The following ZZEF1 variants were observed in gnomAD, a reference collection of about 807,000 sequenced individuals.
ZZEF1 encodes the protein zinc finger ZZ-type and EF-hand domain containing 1.
A neutral mutation model predicts 342.8 loss-of-function variants in ZZEF1; 157 were observed. The ratio of observed to expected loss-of-function variants is 0.46; its 90% CI spans 0.40 to 0.52. The LOEUF (loss-of-function observed/expected upper bound fraction) is 0.52. Ranked by LOEUF, ZZEF1 falls within the 20% of genes least tolerant of loss-of-function variation. ZZEF1 has a pLI of 0.00. For synonymous variants in ZZEF1, 1,505 were observed against 1,429.1 expected (o/e 1.05, Z -1.20); for missense variants, 3,480 against 3,725.6 (o/e 0.93, Z 1.72).
chr17:4,039,143 A>T (rs2056741928), intron 39 of ZZEF1, among the ~76,000 whole-genome samples: 1 of 152,102 alleles, frequency 6.6e-6, no homozygotes, highest in Non-Finnish European at 1.5e-5. Flanking sequence ...AAATACAACC[A>T]AACTGAAGAA....
chr17:4,092,842 A>G (rs2145394567), intron 11 of ZZEF1, among the ~76,000 whole-genome samples: 2 of 152,292 alleles, frequency 1.3e-5, no homozygotes, highest in African/African-American at 4.8e-5. Context: ...CCTACACTGC[A>G]CTACATAGTA....
Position 4,072,687 on chromosome 17 carries a change from G to C in ZZEF1, c.3755C>G (p.Pro1252Arg), listed in dbSNP as rs1191117950. Residue 1252 changes from proline (P) to arginine (R), a missense_variant, in exon 25 of 55, where the codon CCT becomes CGT. Pro to Arg is a moderately radical substitution (Grantham distance 103, BLOSUM62 -2). Coordinates refer to ENST00000381638, the MANE Select transcript of ZZEF1 (RefSeq NM_015113.4). ...TGGACAAACCTGATGCCTGAAGACA[G>C]GTTTCCACAGTGGGGAGCTTAGGAC... ...ALVLSSPLWK[P>R]VFRHQVCPEL... 6.2e-7 allele frequency: 1 copy of C among 1,613,938 alleles called. No homozygotes were observed. Among genetic ancestry groups the C allele is most frequent in the Non-Finnish European group, 8.5e-7 (1 of 1,179,968 alleles).
At chr17:4,038,850 CA>C (rs2056735028) in intron 39 of ZZEF1, among the ~76,000 whole-genome samples, 1 of 151,924 alleles carries the variant, frequency 6.6e-6, no homozygotes, top group Admixed American at 6.6e-5. Flanking sequence ...AAACCACCAC[CA>C]CCAGGCAAGA....
intron 9 of ZZEF1, among the ~76,000 whole-genome samples, chr17:4,098,214 C>A (rs1434398805): frequency 7.0e-6 from 1 of 143,170 alleles, no homozygotes; most frequent in Non-Finnish European, 1.5e-5. Flanking sequence ...CTCCAGCCGG[C>A]CTGGGTGACA....
chr17:4,019,519 T>G, intron 46 of ZZEF1, 150 bp downstream of exon 46: 2 of 646,370 alleles, frequency 3.1e-6, no homozygotes, highest in East Asian at 6.1e-5. Context: ...ACAGGCCACC[T>G]CCCACCTCGC....
In ZZEF1 at chr17:4,015,384, C is replaced by T. The variant is rs997197714; in HGVS notation, c.8146-869G>A. ...CCAGTTCTAAATCGGTTTTCATCATCCACCTTCGCTGCTGCAGGTGCCTTC... is the reference window on the plus strand; with the variant it reads ...CCAGTTCTAAATCGGTTTTCATCATTCACCTTCGCTGCTGCAGGTGCCTTC... On this transcript the variant is annotated intron_variant, in intron 49 of 54. Coordinates refer to ENST00000381638, the MANE Select transcript of ZZEF1 (RefSeq NM_015113.4). Among the ~76,000 whole-genome samples, 3 of 152,264 alleles carry T rather than the reference C, an allele frequency of 2.0e-5. No homozygotes were observed. The East Asian group carries it at 5.8e-4, about 29-fold the overall frequency.
At chr17:4,127,080 A>C (rs2058584574) in intron 1 of ZZEF1, among the ~76,000 whole-genome samples, 1 of 151,178 alleles carries the variant, frequency 6.6e-6, no homozygotes, top group Non-Finnish European at 1.5e-5. Context: ...CGATCAGCTC[A>C]CTGTAACCTC....
chr17:4,034,042 A>C lies in ZZEF1; in HGVS notation c.6557T>G (p.Phe2186Cys). ...PDGWKTTHLL[F>C]SLGAVCLDSR... ...GTCCAGACACACAGCTCCCAGGCTA[A>C]AGAGCAGGTGGGTGGTTTTCCAGCC... Residue 2186 changes from phenylalanine (F) to cysteine (C), a missense_variant, in exon 40 of 55, where the codon TTT becomes TGT. Coordinates refer to ENST00000381638, the MANE Select transcript of ZZEF1 (RefSeq NM_015113.4). 1 of 1,614,204 alleles carries C rather than the reference A, an allele frequency of 6.2e-7. No homozygotes were observed. The highest frequency in any genetic ancestry group is 2.2e-5 in the East Asian group (1 of 44,892).
chr17:4,068,567 G>A (rs1048546538), intron 26 of ZZEF1, among the ~76,000 whole-genome samples: 6 of 127,438 alleles, frequency 4.7e-5, no homozygotes, highest in African/African-American at 7.1e-5. Flanking sequence ...GATTACAGGC[G>A]TAAAGCCACT....
intron 3 of ZZEF1, among the ~76,000 whole-genome samples, chr17:4,115,821 T>C (rs1450164591): frequency 1.3e-5 from 2 of 151,246 alleles, no homozygotes; most frequent in African/African-American, 4.8e-5. Flanking sequence ...TCTGCTTATA[T>C]TTTTTTTTGC....
chr17:4,065,144 C>T (rs748201884), intron 28 of ZZEF1, among the ~76,000 whole-genome samples: 1 of 152,170 alleles, frequency 6.6e-6, no homozygotes, highest in Non-Finnish European at 1.5e-5. Flanking sequence ...TGGCTCACGC[C>T]TGTAATCCCA....
At chr17:4,086,440 C>T (rs1481253648) in intron 15 of ZZEF1, 46 bp downstream of exon 15, 4 of 1,599,544 alleles carry the variant, frequency 2.5e-6, no homozygotes, top group Non-Finnish European at 3.4e-6. Context: ...AGGCCCTTCA[C>T]GCTACCTACA....
chr17:4,126,785 G>A (rs1032267961), intron 1 of ZZEF1, among the ~76,000 whole-genome samples: 9 of 152,146 alleles, frequency 5.9e-5, no homozygotes, highest in Admixed American at 5.9e-4. Flanking sequence ...GGCCAAGCCA[G>A]CAAAACTCCG....
chr17:4,031,235 G>T (rs1248830037), intron 42 of ZZEF1, among the ~76,000 whole-genome samples: 1 of 152,058 alleles, frequency 6.6e-6, no homozygotes, highest in Non-Finnish European at 1.5e-5. Context: ...AGAATCGCTG[G>T]AACCCAGGAG....
intron 4 of ZZEF1, among the ~76,000 whole-genome samples, chr17:4,114,028 T>C (rs1327792742): frequency 1.3e-5 from 2 of 152,196 alleles, no homozygotes; most frequent in Non-Finnish European, 2.9e-5. Context: ...TGTAAGTACT[T>C]ATTCTTTGTG....
intron 52 of ZZEF1, among the ~76,000 whole-genome samples, chr17:4,011,054 C>A (rs1025187549): frequency 1.3e-5 from 2 of 151,532 alleles, no homozygotes; most frequent in Non-Finnish European, 2.9e-5. Flanking sequence ...TGCCACACTG[C>A]ACTCTAGCCT....
Position 4,022,884 on chromosome 17 carries a change from C to G in ZZEF1, c.7093-56G>C. ...TGCCTTGGAGTGAAGAAGGTACAAC[C>G]TTAGCTGTAACTCAGTCTGTTCATT... On this transcript the variant is annotated intron_variant, in intron 43 of 54. Coordinates refer to ENST00000381638, the MANE Select transcript of ZZEF1 (RefSeq NM_015113.4). The G allele has an allele frequency of 2.5e-6, 4 of 1,594,926 alleles. No individual in the cohort carries two copies. In the South Asian group the frequency reaches 4.5e-5, roughly 18 times the overall value.
At chr17:4,052,233 C>A in intron 34 of ZZEF1, 97 bp from the exon 35 acceptor site, 1 of 1,226,054 alleles carries the variant, frequency 8.2e-7, no homozygotes, top group East Asian at 2.6e-5. Context: ...GGGCCGTTCC[C>A]AAGTGACTGC....
chr17:4,127,008 ATT>A (rs113010631), intron 1 of ZZEF1, among the ~76,000 whole-genome samples: 5 of 142,620 alleles, frequency 3.5e-5, no homozygotes, highest in African/African-American at 7.7e-5. Context: ...AACTGACTGG[ATT>A]TTTTTTTTTT....
Sources: allele counts gnomAD v4.1 joint callset (sites outside exome capture counted in the v4.1 genomes callset), GRCh38; gene constraint gnomAD v4.1.1; transcripts MANE v1.5; gene names NCBI Gene and HGNC (gene_info 2026-07-23, HGNC 2026-07-21).